The following CDH13 variants were observed in gnomAD, a reference collection of about 807,000 sequenced individuals.
The protein encoded by CDH13 is cadherin-13.
Under a neutral mutation model 63.8 loss-of-function variants are expected in CDH13, and 24 were observed. The observed-to-expected ratio is 0.38, with a 90% CI of 0.27 to 0.53. The LOEUF is 0.53. CDH13 is among the 20% of genes least tolerant of loss of function. The probability of loss-of-function intolerance (pLI) is 0.85; values close to 1 mark genes in which losing one functional copy is unlikely to be tolerated. For missense variants in CDH13, 1,049 were observed against 903.1 expected, an observed-to-expected ratio of 1.16 and a Z score of -2.07; for synonymous variants, 503 against 355.3, an observed-to-expected ratio of 1.42 and a Z score of -4.67.
At chr16:82,999,594 C>T (rs115086304) in intron 2 of CDH13, among the ~76,000 whole-genome samples, 1 of 152,074 alleles carries the variant, frequency 6.6e-6, no homozygotes, top group Non-Finnish European at 1.5e-5. Flanking sequence ...TTAAGCATGA[C>T]ACCAAAAGTT....
At chr16:82,633,533 C>T (rs1161895893) in intron 1 of CDH13, among the ~76,000 whole-genome samples, 2 of 152,186 alleles carry the variant, frequency 1.3e-5, no homozygotes, top group Admixed American at 1.3e-4. Context: ...TGCCCGCCAC[C>T]AGGCCTGGCT....
intron 6 of CDH13, among the ~76,000 whole-genome samples, chr16:83,446,842 C>T (rs1432279556): frequency 6.6e-6 from 1 of 151,792 alleles, no homozygotes; most frequent in Non-Finnish European, 1.5e-5. Context: ...TAAGCTTATC[C>T]TTTTGGGGGG....
chr16:83,608,620 G>A (rs1331877918), intron 8 of CDH13, among the ~76,000 whole-genome samples: 3 of 151,822 alleles, frequency 2.0e-5, no homozygotes, highest in Non-Finnish European at 2.9e-5. Context: ...TGAGTAGCTG[G>A]GACTTCAGGC....
chr16:82,847,072 C>G (rs1470564041), intron 1 of CDH13, among the ~76,000 whole-genome samples: 4 of 152,114 alleles, frequency 2.6e-5, no homozygotes, highest in African/African-American at 9.7e-5. Flanking sequence ...AATTCCCTCT[C>G]CTATTCCTTT....
intron 4 of CDH13, among the ~76,000 whole-genome samples, chr16:83,138,500 C>G (rs889547383): frequency 4.6e-5 from 7 of 152,152 alleles, no homozygotes; most frequent in Admixed American, 3.3e-4. Flanking sequence ...AGAACATGAT[C>G]CAGTATCTAC....
chr16:82,645,400 G>A (rs750972446), intron 1 of CDH13, among the ~76,000 whole-genome samples: 60 of 152,108 alleles, frequency 3.9e-4, no homozygotes, highest in Non-Finnish European at 5.4e-4. Flanking sequence ...AGTCTAAACC[G>A]TTGGCTCTCA....
intron 6 of CDH13, among the ~76,000 whole-genome samples, chr16:83,426,635 A>G (rs2071909207): frequency 6.6e-6 from 1 of 152,088 alleles, no homozygotes; most frequent in Admixed American, 6.5e-5. Flanking sequence ...GGGGAATCCA[A>G]CATGGACTGC....
chr16:83,314,706 A>T (rs570193093), intron 5 of CDH13, among the ~76,000 whole-genome samples: 1 of 152,304 alleles, frequency 6.6e-6, no homozygotes, highest in South Asian at 2.1e-4. Flanking sequence ...TCTGTACTAT[A>T]CTTAATAGGC....
At chr16:83,455,649 A>G (rs563312354) in intron 6 of CDH13, among the ~76,000 whole-genome samples, 11 of 152,258 alleles carry the variant, frequency 7.2e-5, no homozygotes, top group African/African-American at 2.4e-4. Flanking sequence ...CTAGATCTCT[A>G]AGAACCTTGA....
intron 10 of CDH13, among the ~76,000 whole-genome samples, chr16:83,718,238 A>C (rs1373231024): frequency 1.3e-5 from 2 of 152,288 alleles, no homozygotes; most frequent in African/African-American, 4.8e-5. Flanking sequence ...TCCCAGAGGA[A>C]CACACTCCTG....
intron 1 of CDH13, chr16:82,639,355 A>C (rs1483277326): frequency 1.3e-6 from 2 of 1,532,800 alleles, no homozygotes; most frequent in Non-Finnish European, 1.7e-6. Context: ...CTTGCTTTTG[A>C]CCAGGGCCAA....
At chr16:83,677,892 C>G (rs1915093803) in intron 9 of CDH13, among the ~76,000 whole-genome samples, 1 of 152,092 alleles carries the variant, frequency 6.6e-6, no homozygotes, top group Non-Finnish European at 1.5e-5. Flanking sequence ...AGGTTCAAGT[C>G]ACTCACTGCC....
At chr16:83,722,470 G>A (rs760888632) in intron 10 of CDH13, among the ~76,000 whole-genome samples, 11 of 152,126 alleles carry the variant, frequency 7.2e-5, no homozygotes, top group Non-Finnish European at 8.8e-5. Context: ...GGAGTAACTC[G>A]AAACTGGCCA....
chr16:82,652,749 G>A (rs1336037581), intron 1 of CDH13, among the ~76,000 whole-genome samples: 18 of 138,892 alleles, frequency 1.3e-4, no homozygotes, highest in Admixed American at 7.3e-5. Context: ...GACCTTTAAA[G>A]CCTTTTTATT....
intron 6 of CDH13, among the ~76,000 whole-genome samples, chr16:83,396,279 T>C (rs1039758199): frequency 1.3e-5 from 2 of 152,188 alleles, no homozygotes; most frequent in African/African-American, 4.8e-5. Flanking sequence ...AAAATGGGGG[T>C]AATCCATTCT....
chr16:83,762,517 G>C (rs1914058830), intron 11 of CDH13, among the ~76,000 whole-genome samples: 1 of 152,212 alleles, frequency 6.6e-6, no homozygotes, highest in South Asian at 2.1e-4. Context: ...CCAAATCCCA[G>C]TGTCAATACC....
chr16:83,498,969 G>A (rs1223882702), intron 7 of CDH13, among the ~76,000 whole-genome samples: 2 of 152,070 alleles, frequency 1.3e-5, no homozygotes, highest in African/African-American at 4.8e-5. Flanking sequence ...AATCAATACA[G>A]GTCATTTGTT....
intron 6 of CDH13, 112 bp downstream of exon 6, chr16:83,345,118 G>T: frequency 8.0e-7 from 1 of 1,254,358 alleles, no homozygotes; most frequent in Non-Finnish European, 1.1e-6. Flanking sequence ...GCTCGTATCA[G>T]CGTCGACTTA....
intron 8 of CDH13, among the ~76,000 whole-genome samples, chr16:83,626,849 G>A (rs1567464836): frequency 1.3e-5 from 2 of 152,044 alleles, no homozygotes; most frequent in African/African-American, 2.4e-5. Context: ...TCCCTAGGAC[G>A]CCTCGGAATG....
Sources: allele counts gnomAD v4.1 joint callset (sites outside exome capture counted in the v4.1 genomes callset), GRCh38; gene constraint gnomAD v4.1.1; transcripts MANE v1.5; gene names NCBI Gene and HGNC (gene_info 2026-07-23, HGNC 2026-07-21).